Variants in ADAMTS7 observed in about 807,000 individuals in gnomAD.
ADAMTS7 encodes A disintegrin and metalloproteinase with thrombospondin motifs 7.
ADAMTS7 carries 89 observed loss-of-function variants against 172.6 expected under a neutral mutation model. That is an observed-to-expected ratio of 0.52 (90% CI 0.43 to 0.61). The LOEUF is 0.61. ADAMTS7 is among the 20% of genes least tolerant of loss of function. ADAMTS7 has a pLI of 0.00. For synonymous variants in ADAMTS7, 885 were observed against 978.4 expected, an observed-to-expected ratio of 0.90 and a Z score of 1.78; for missense variants, 1,973 against 2,355.6, an observed-to-expected ratio of 0.84 and a Z score of 3.36.
intron 8 of ADAMTS7, among the ~76,000 whole-genome samples, chr15:78,779,797 C>A (rs2055404509): frequency 6.6e-6 from 1 of 152,074 alleles, no homozygotes; most frequent in African/African-American, 2.4e-5. Context: ...AGTCCCTGGG[C>A]TGCAGCCCAG....
chr15:78,781,130 G>A (rs1043146763), intron 8 of ADAMTS7, among the ~76,000 whole-genome samples: 9 of 152,348 alleles, frequency 5.9e-5, no homozygotes, highest in Non-Finnish European at 1.0e-4. Flanking sequence ...CAGGATGAGA[G>A]GGTGGTCTGT....
At position 78,762,409 on chromosome 15, in the gene ADAMTS7, G is replaced by A. The variant is rs539519993; in HGVS notation, c.4897C>T (p.Pro1633Ser). The change falls in exon 23 of 24, where the codon CCT becomes TCT. Residue 1633 changes from proline to serine, a missense_variant. This residue lies in a region of ADAMTS7 where 94 missense variants were observed against 95.4 expected (regional missense o/e 0.99). Coordinates refer to ENST00000388820, the MANE Select transcript of ADAMTS7 (RefSeq NM_014272.5). The part of the protein sequence containing the change: ...CGTEDCEPVE[P>S]PRCERDRLSF... ...CTGGGGTCAGGGGACTCACGGGGAGGCTCGACGGGCTCACAATCCTCGGTG... is the reference window on the plus strand; with the variant it reads ...CTGGGGTCAGGGGACTCACGGGGAGACTCGACGGGCTCACAATCCTCGGTG... 2.4e-5 allele frequency: 36 copies of A among 1,476,020 alleles called. No individual in the cohort carries two copies. The highest frequency in any genetic ancestry group is 1.8e-4 in the South Asian group (13 of 71,524). The allele number at this position is 1,476,020 out of a possible 1,614,324, so 91.4% of individuals were successfully genotyped here.
chr15:78,809,094 G>A (rs748294435), intron 1 of ADAMTS7, among the ~76,000 whole-genome samples: 1 of 152,132 alleles, frequency 6.6e-6, no homozygotes, highest in Non-Finnish European at 1.5e-5. Context: ...GTGAGTTCTA[G>A]TATGCACAGA....
chr15:78,775,956 T>C (rs562971573), intron 11 of ADAMTS7, among the ~76,000 whole-genome samples: 51 of 152,316 alleles, frequency 3.3e-4, no homozygotes, highest in Admixed American at 1.5e-3. Context: ...TGAGTCTCTC[T>C]AGTCTCTGGG....
chr15:78,759,498 T>G lies in ADAMTS7; in HGVS notation c.4984A>C (p.Thr1662Pro). 22 of 1,597,286 alleles carry G rather than the reference T, an allele frequency of 1.4e-5. No individual in the cohort carries two copies. Among genetic ancestry groups the G allele is most frequent in the Non-Finnish European group, 1.8e-5 (21 of 1,177,322 alleles). Residue 1662 changes from threonine to proline, a missense_variant, in exon 24 of 24, where the codon ACC (threonine) becomes CCC (proline). Around this residue, in one of 8 missense-constraint regions of ADAMTS7, gnomAD observed 94 missense variants for 95.4 expected, o/e 0.99. Coordinates refer to ENST00000388820, the MANE Select transcript of ADAMTS7 (RefSeq NM_014272.5). ...GGAGAGCACGAGCGGCAGCACTGGG[T>G]GCGGATGGTGGGCAGCTGGCAGCGG... ...LGRCQLPTIR[T>P]QCCRSCSPPS...
At chr15:78,799,853 G>C (rs1464757046) in intron 2 of ADAMTS7, among the ~76,000 whole-genome samples, 1 of 145,308 alleles carries the variant, frequency 6.9e-6, no homozygotes, top group African/African-American at 2.7e-5. Flanking sequence ...TTTTTTTTGA[G>C]AGTGCCTGGG....
chr15:78,776,357 G>A (rs377248006), intron 10 of ADAMTS7, 24 bp from the exon 11 acceptor site: 76 of 1,603,354 alleles, frequency 4.7e-5, no homozygotes, highest in Middle Eastern at 2.3e-4. Context: ...CGGAGGTAGA[G>A]CCACCCCACC....
At chr15:78,793,316 G>C (rs1162578330) in intron 4 of ADAMTS7, among the ~76,000 whole-genome samples, 1 of 151,754 alleles carries the variant, frequency 6.6e-6, no homozygotes, top group Non-Finnish European at 1.5e-5. Flanking sequence ...ACTTTGAAGG[G>C]TCTGAGAAGT....
intron 2 of ADAMTS7, 110 bp downstream of exon 2, chr15:78,800,081 GA>G: frequency 1.0e-6 from 1 of 977,558 alleles, no homozygotes; most frequent in Non-Finnish European, 1.5e-6. Context: ...GGCTGGCAGA[GA>G]AAAAGTGCAC....
intron 8 of ADAMTS7, among the ~76,000 whole-genome samples, chr15:78,779,457 AC>A (rs1363608763): frequency 6.6e-6 from 1 of 152,004 alleles, no homozygotes; most frequent in Non-Finnish European, 1.5e-5. Flanking sequence ...TCACTGGGCT[AC>A]CCCCAGTGCA....
chr15:78,795,218 A>G (rs957891917), intron 4 of ADAMTS7, among the ~76,000 whole-genome samples: 15 of 152,222 alleles, frequency 9.9e-5, no homozygotes, highest in African/African-American at 3.6e-4. Flanking sequence ...CCTATAGCCC[A>G]GGGGCTGGGC....
In ADAMTS7 at chr15:78,768,275, C is replaced by A. The variant is rs370272791; in HGVS notation, c.2519-16G>T. 5 of 1,610,130 alleles carry A rather than the reference C, an allele frequency of 3.1e-6. No individual in the cohort carries two copies. Among genetic ancestry groups the A allele is most frequent in the Non-Finnish European group, 4.2e-6 (5 of 1,179,402 alleles). On this transcript the variant is annotated splice_polypyrimidine_tract_variant and intron_variant, in intron 16 of 23. Coordinates refer to ENST00000388820, the MANE Select transcript of ADAMTS7 (RefSeq NM_014272.5). The stretch of plus-strand genomic sequence containing the variant: ...CTCTGCACACCTAGGGGCCACGGGG[C>A]TCAGCCTGGGACTGGCACCCAGGTG...
At chr15:78,781,449 C>T (rs2055427140) in intron 8 of ADAMTS7, among the ~76,000 whole-genome samples, 1 of 152,172 alleles carries the variant, frequency 6.6e-6, no homozygotes, top group Non-Finnish European at 1.5e-5. Context: ...CTCCCAAACA[C>T]CCCTCCATTG....
At position 78,767,712 on chromosome 15, in the gene ADAMTS7, G is replaced by T. The variant is rs993759546; in HGVS notation, c.2646-120C>A. On this transcript the variant is annotated intron_variant, in intron 17 of 23. Transcript: ENST00000388820. Reference sequence around the variant, plus strand: ...GGCATTTGGGTAGAGCTGGGACTGAGGCCAGTGGTTGATTCTCCAGAGCTC... The same window carrying T: ...GGCATTTGGGTAGAGCTGGGACTGATGCCAGTGGTTGATTCTCCAGAGCTC... 4 of 934,090 alleles carry T rather than the reference G, an allele frequency of 4.3e-6. No individual in the cohort carries two copies. The Admixed American group carries it at 8.4e-5, about 20-fold the overall frequency. 57.9% of individuals were successfully genotyped at this position (934,090 alleles called of 1,614,324 possible). A position where few individuals can be genotyped will look rare whatever the true frequency, so the allele number is the denominator to read the frequency against.
At position 78,771,448 on chromosome 15, in the gene ADAMTS7, G is replaced by A. The variant is rs781163946; in HGVS notation, c.2376+137C>T. ...TGGGGAAACTGAGGTAGAGGCCGCA[G>A]CAGGAGGGCCTGGCTCAGAGCCAGG... On this transcript the variant is annotated intron_variant, in intron 15 of 23. Coordinates refer to ENST00000388820, the MANE Select transcript of ADAMTS7 (RefSeq NM_014272.5). The surrounding 1 kb of genome is among the most constrained non-coding windows in gnomAD (Gnocchi z 4.9). 2.6e-6 allele frequency: 4 copies of A among 1,533,944 alleles called. No homozygotes were observed. Among genetic ancestry groups the A allele is most frequent in the Non-Finnish European group, 3.5e-6 (4 of 1,137,646 alleles).
Position 78,759,435 on chromosome 15 carries a change from C to A in ADAMTS7, c.5047G>T (p.Val1683Phe). ...HGAPSRGHQR[V>F]ARR ...TCCTGGCGCAGTCAGCGGCGGGCAA[C>A]CCGCTGATGGCCTCGGGAGGGGGCG... The change falls in exon 24 of 24, where the codon GTT (valine) becomes TTT (phenylalanine). Residue 1683 changes from valine to phenylalanine, a missense_variant. Physicochemically the swap from Val to Phe is conservative, Grantham distance 50 (BLOSUM62 -1). Coordinates refer to ENST00000388820, the MANE Select transcript of ADAMTS7 (RefSeq NM_014272.5). 6.9e-6 allele frequency: 11 copies of A among 1,594,180 alleles called. No individual in the cohort carries two copies. Among genetic ancestry groups the A allele is most frequent in the Non-Finnish European group, 9.4e-6 (11 of 1,176,188 alleles).
In ADAMTS7 at chr15:78,771,461, G is replaced by A. The variant is rs372483101; in HGVS notation, c.2376+124C>T. On this transcript the variant is annotated intron_variant, in intron 15 of 23. Transcript: ENST00000388820. This position sits in a 1 kb window ranked among gnomAD's most constrained non-coding sequence, Gnocchi z 4.9. ...GTAGAGGCCGCAGCAGGAGGGCCTG[G>A]CTCAGAGCCAGGCTCTGTGACTGAA... The A allele has an allele frequency of 1.5e-5, 23 of 1,534,396 alleles. No individual in the cohort carries two copies. In the East Asian group the frequency reaches 2.4e-4, roughly 16 times the overall value.
chr15:78,789,906 A>G, intron 6 of ADAMTS7, 68 bp from the exon 7 acceptor site: 1 of 1,518,976 alleles, frequency 6.6e-7, no homozygotes, highest in Admixed American at 2.1e-5. Context: ...AGCTAAGGCC[A>G]GGGAAGGGTC....
chr15:78,763,591 CAA>C (rs1348937535), intron 22 of ADAMTS7, 106 bp downstream of exon 22: 2 of 1,381,632 alleles, frequency 1.4e-6, no homozygotes, highest in African/African-American at 3.0e-5. Context: ...GACAGGGCCA[CAA>C]AGAGCCTGGC....
Sources: allele counts gnomAD v4.1 joint callset (sites outside exome capture counted in the v4.1 genomes callset), GRCh38; gene constraint gnomAD v4.1.1; regional missense constraint gnomAD v4.1.1; non-coding constraint Gnocchi (gnomAD v3.1); transcripts MANE v1.5; gene names NCBI Gene and HGNC (gene_info 2026-07-23, HGNC 2026-07-21).